The following NEBL variants were observed in gnomAD, a reference collection of about 807,000 sequenced individuals.
NEBL encodes the protein LIM and SH3 protein 2.
In NEBL, 122 loss-of-function variants were observed where a neutral mutation model predicts 140.2. The observed-to-expected ratio is 0.87, with a 90% CI of 0.75 to 1.01. NEBL has a LOEUF of 1.01. NEBL is among the 50% of genes least tolerant of loss of function. The pLI is 0.00. For missense variants in NEBL, 1,365 were observed against 1,231.3 expected, an observed-to-expected ratio of 1.11 and a Z score of -1.62; for synonymous variants, 436 against 398.9, an observed-to-expected ratio of 1.09 and a Z score of -1.11.
At chr10:21,032,669 CA>C (rs1833849030) in intron 2 of NEBL, among the ~76,000 whole-genome samples, 1 of 151,870 alleles carries the variant, frequency 6.6e-6, no homozygotes, top group Admixed American at 6.6e-5. Context: ...AACATAAAAG[CA>C]AAAAATGGAT....
intron 26 of NEBL, among the ~76,000 whole-genome samples, chr10:20,790,163 C>A (rs973698658): frequency 7.2e-5 from 11 of 152,022 alleles, no homozygotes; most frequent in African/African-American, 2.4e-4. Flanking sequence ...ATCTATCTAG[C>A]CCTTGCAGTT....
chr10:20,813,894 G>T, intron 23 of NEBL, 45 bp downstream of exon 23: 1 of 1,222,014 alleles, frequency 8.2e-7, no homozygotes, highest in Non-Finnish European at 1.2e-6. Context: ...CACTGGATCC[G>T]CCCATTCCTT....
At chr10:21,252,849 G>T (rs972503684) in intron 1 of NEBL, among the ~76,000 whole-genome samples, 7 of 152,148 alleles carry the variant, frequency 4.6e-5, no homozygotes, top group Non-Finnish European at 1.0e-4. Flanking sequence ...CAGCTACTTG[G>T]GAGGCTGAGG....
At chr10:21,207,386 C>T (rs1841844314) in intron 3 of NEBL, among the ~76,000 whole-genome samples, 1 of 152,166 alleles carries the variant, frequency 6.6e-6, no homozygotes, top group Non-Finnish European at 1.5e-5. Context: ...AGTCAAAGTA[C>T]AGCCTGATTA....
intron 3 of NEBL, among the ~76,000 whole-genome samples, chr10:20,965,439 TC>T (rs1836263080): frequency 6.6e-6 from 1 of 152,158 alleles, no homozygotes; most frequent in Non-Finnish European, 1.5e-5. Context: ...CACACAGACT[TC>T]TTCCAGGAGA....
chr10:21,238,343 A>C (rs1467770775), intron 3 of NEBL, among the ~76,000 whole-genome samples: 1 of 152,170 alleles, frequency 6.6e-6, no homozygotes, highest in African/African-American at 2.4e-5. Context: ...TTTTCCTAAG[A>C]GCTCAGAGGC....
chr10:21,200,791 A>T (rs1396792950), intron 3 of NEBL, among the ~76,000 whole-genome samples: 1 of 152,134 alleles, frequency 6.6e-6, no homozygotes, highest in Non-Finnish European at 1.5e-5. Flanking sequence ...TGGTGACCTA[A>T]GGTTACAGTG....
In NEBL at chr10:21,221,213, T is replaced by G. The variant is rs112380352; in HGVS notation, n.348+26708A>C. 1.3e-4 allele frequency among the ~76,000 whole-genome samples: 20 copies of G among 152,332 alleles called. 1 individual carries two copies. The highest frequency in any genetic ancestry group is 4.3e-4 in the African/African-American group (18 of 41,578). On this transcript the variant is annotated intron_variant and non_coding_transcript_variant, in intron 3 of 8. Transcript: ENST00000675702. Reference sequence around the variant, plus strand: ...TGGATAGGTTAATTAGCTTGACTCATGCATTTCACAATGTATACATATATA... The same window carrying G: ...TGGATAGGTTAATTAGCTTGACTCAGGCATTTCACAATGTATACATATATA...
intron 12 of NEBL, among the ~76,000 whole-genome samples, chr10:20,844,281 G>T (rs1026385290): frequency 6.6e-6 from 1 of 151,682 alleles, no homozygotes; most frequent in Non-Finnish European, 1.5e-5. Context: ...TTTCCTTCAG[G>T]AATAGTTTCC....
At chr10:21,287,395 G>T (rs1275764734) in intron 1 of NEBL, among the ~76,000 whole-genome samples, 1 of 152,116 alleles carries the variant, frequency 6.6e-6, no homozygotes, top group Non-Finnish European at 1.5e-5. Context: ...AACTAGCCAG[G>T]CAGGGTGGCA....
chr10:21,175,324 A>G (rs1343206987), upstream of NEBL, among the ~76,000 whole-genome samples: 6 of 152,234 alleles, frequency 3.9e-5, no homozygotes, highest in Admixed American at 3.9e-4. Flanking sequence ...ATGAGTCAGC[A>G]GTTCCGAACT....
chr10:21,044,773 C>A (rs1241317576), intron 2 of NEBL, among the ~76,000 whole-genome samples: 1 of 152,162 alleles, frequency 6.6e-6, no homozygotes, highest in East Asian at 1.9e-4. Flanking sequence ...GATCCCCCAG[C>A]CACAGATTCA....
At chr10:20,935,622 A>T (rs530505109) in intron 4 of NEBL, among the ~76,000 whole-genome samples, 1 of 152,324 alleles carries the variant, frequency 6.6e-6, no homozygotes, top group East Asian at 1.9e-4. Context: ...GAATTAAAAC[A>T]CTGTTACCTC....
intron 3 of NEBL, among the ~76,000 whole-genome samples, chr10:20,963,652 C>T (rs1836160044): frequency 6.6e-6 from 1 of 152,162 alleles, no homozygotes; most frequent in African/African-American, 2.4e-5. Flanking sequence ...ACCTTAGCCT[C>T]CCAAAGTGCT....
intron 14 of NEBL, 131 bp downstream of exon 14, chr10:20,835,382 A>G: frequency 1.3e-6 from 1 of 792,530 alleles, no homozygotes; most frequent in Non-Finnish European, 2.2e-6. Flanking sequence ...ATGCTTCGGA[A>G]TAGTCTCCAT....
chr10:20,928,102 C>G (rs1004230208), intron 4 of NEBL, among the ~76,000 whole-genome samples: 2 of 152,126 alleles, frequency 1.3e-5, no homozygotes, highest in African/African-American at 4.8e-5. Context: ...TATTTTTTAG[C>G]TAAGTCTTCA....
At chr10:21,164,071 G>C (rs1840662039) in intron 2 of NEBL, among the ~76,000 whole-genome samples, 1 of 152,178 alleles carries the variant, frequency 6.6e-6, no homozygotes, top group African/African-American at 2.4e-5. Context: ...CCCATTAGCA[G>C]GACTTTGCTG....
chr10:20,813,369 A>AT (rs1480103682), intron 23 of NEBL, among the ~76,000 whole-genome samples: 1 of 151,646 alleles, frequency 6.6e-6, no homozygotes, highest in Non-Finnish European at 1.5e-5. Flanking sequence ...TCAGTTTGAA[A>AT]TTTTATAGGT....
At chr10:21,126,146 C>A (rs1460451298) in intron 2 of NEBL, 1 of 1,591,064 alleles carries the variant, frequency 6.3e-7, no homozygotes, top group Non-Finnish European at 8.6e-7. Context: ...GTGCAGCTGT[C>A]CGTTCTTCAA....
Sources: allele counts gnomAD v4.1 joint callset (sites outside exome capture counted in the v4.1 genomes callset), GRCh38; gene constraint gnomAD v4.1.1; transcripts MANE v1.5; gene names NCBI Gene and HGNC (gene_info 2026-07-23, HGNC 2026-07-21).